GRID1: variants seen among roughly 807,000 people sequenced by gnomAD.
GRID1 encodes glutamate ionotropic receptor delta type subunit 1, also known as glutamate receptor ionotropic, delta-1.
GRID1 carries 28 observed loss-of-function variants against 98.0 expected under a neutral mutation model. The ratio of observed to expected loss-of-function variants is 0.29; its 90% confidence interval spans 0.21 to 0.39. GRID1 has a LOEUF of 0.39. Ranked by LOEUF, GRID1 falls within the 10% of genes least tolerant of loss-of-function variation. GRID1 has a pLI of 1.00. For missense variants in GRID1, 1,111 were observed against 1,340.5 expected, an observed-to-expected ratio of 0.83 and a Z score of 2.67; for synonymous variants, 553 against 538.5, an observed-to-expected ratio of 1.03 and a Z score of -0.37.
intron 4 of GRID1, among the ~76,000 whole-genome samples, chr10:86,010,814 C>CA (rs58304694): frequency 0.49 from 56,232 of 114,258 alleles, 12,014 homozygotes; most frequent in South Asian, 0.57. Flanking sequence ...ACTATGTCTC[C>CA]AAAAAAAAAA....
At chr10:86,202,288 C>T (rs780075113) in intron 3 of GRID1, among the ~76,000 whole-genome samples, 1 of 152,230 alleles carries the variant, frequency 6.6e-6, no homozygotes, top group Non-Finnish European at 1.5e-5. Context: ...AGCAAAATAC[C>T]TGGCATGCGG....
At chr10:85,663,129 C>A (rs1011918949) in intron 12 of GRID1, among the ~76,000 whole-genome samples, 2 of 152,068 alleles carry the variant, frequency 1.3e-5, no homozygotes, top group African/African-American at 4.8e-5. Flanking sequence ...GGAATGCATC[C>A]CCCCAAAGTA....
At chr10:86,279,359 A>G (rs1199828568) in intron 2 of GRID1, among the ~76,000 whole-genome samples, 1 of 152,220 alleles carries the variant, frequency 6.6e-6, no homozygotes, top group Non-Finnish European at 1.5e-5. Context: ...ACCTGCCAAT[A>G]TCCCTCATGA....
chr10:85,625,560 T>C (rs1207564621), intron 13 of GRID1, among the ~76,000 whole-genome samples: 1 of 152,204 alleles, frequency 6.6e-6, no homozygotes, highest in Non-Finnish European at 1.5e-5. Context: ...CATGTGAGCA[T>C]CCATCCCTGG....
chr10:86,342,103 C>G (rs1848318723), intron 2 of GRID1, among the ~76,000 whole-genome samples: 1 of 152,160 alleles, frequency 6.6e-6, no homozygotes, highest in Non-Finnish European at 1.5e-5. Flanking sequence ...TCTGCTTACT[C>G]CCTAGTTTTT....
At chr10:85,685,236 G>A (rs1399232548) in intron 12 of GRID1, among the ~76,000 whole-genome samples, 1 of 152,042 alleles carries the variant, frequency 6.6e-6, no homozygotes, top group Non-Finnish European at 1.5e-5. Flanking sequence ...AAAGTAACTG[G>A]ATTTAAAATC....
chr10:86,190,317 G>A (rs1352114343), intron 3 of GRID1, among the ~76,000 whole-genome samples: 1 of 152,174 alleles, frequency 6.6e-6, no homozygotes, highest in Non-Finnish European at 1.5e-5. Context: ...ACACAGAGTT[G>A]GGAAGAGGTG....
At chr10:86,239,791 A>G (rs755000180) in intron 2 of GRID1, among the ~76,000 whole-genome samples, 17 of 152,200 alleles carry the variant, frequency 1.1e-4, no homozygotes, top group Admixed American at 7.9e-4. Flanking sequence ...CATGCCTCAT[A>G]TACAGCCCAG....
intron 3 of GRID1, among the ~76,000 whole-genome samples, chr10:86,184,802 C>A (rs1338779175): frequency 6.6e-6 from 1 of 152,138 alleles, no homozygotes; most frequent in Non-Finnish European, 1.5e-5. Flanking sequence ...AGTTTAGAAA[C>A]ACTGCAGTAT....
Position 85,601,400 on chromosome 10 carries a change from A to G in GRID1, c.*873T>C, listed in dbSNP as rs1271840694. ...ACCTCGCAACTCCCTGCCCCCATGG[A>G]CCTTCTTCCAGACCAACCCCACCTC... On this transcript the variant is annotated 3_prime_UTR_variant, in exon 16 of 16. Transcript: ENST00000327946. 6.6e-6 allele frequency: 1 copy of G among 152,120 alleles called. No homozygotes were observed. The highest frequency in any genetic ancestry group is 2.4e-5 in the African/African-American group (1 of 41,368). The allele number at this position is 152,120 out of a possible 1,614,324, so 9.4% of individuals were successfully genotyped here.
At chr10:85,872,403 C>A (rs1843287032) in intron 5 of GRID1, among the ~76,000 whole-genome samples, 1 of 152,132 alleles carries the variant, frequency 6.6e-6, no homozygotes, top group South Asian at 2.1e-4. Flanking sequence ...GTAGGAATAA[C>A]AGGCCATTTT....
chr10:85,962,957 T>C (rs1212412406), intron 4 of GRID1, among the ~76,000 whole-genome samples: 7 of 152,150 alleles, frequency 4.6e-5, no homozygotes, highest in Admixed American at 4.6e-4. Flanking sequence ...TGGATAATTT[T>C]AAAGTAATAT....
chr10:86,088,460 C>T lies in GRID1; in HGVS notation c.726+50359G>A, dbSNP rs560725730. Among the ~76,000 whole-genome samples the T allele has an allele frequency of 2.6e-5, 4 of 152,316 alleles. No individual in the cohort carries two copies. In the South Asian group the frequency reaches 6.2e-4, roughly 24 times the overall value. The stretch of plus-strand genomic sequence containing the variant: ...CATGTTTGAAAAATGAGCAACTGTA[C>T]TTTGACTAATTTTGTATCTCTCTGC... On this transcript the variant is annotated intron_variant, in intron 4 of 15. Coordinates refer to ENST00000327946, the MANE Select transcript of GRID1 (RefSeq NM_017551.3).
chr10:86,067,593 A>G (rs550729072), intron 4 of GRID1, among the ~76,000 whole-genome samples: 3 of 152,364 alleles, frequency 2.0e-5, no homozygotes, highest in East Asian at 3.9e-4. Flanking sequence ...GGTGACAGGC[A>G]CTGCGGTTCC....
chr10:85,656,472 C>T (rs1435292291), intron 12 of GRID1, among the ~76,000 whole-genome samples: 1 of 152,218 alleles, frequency 6.6e-6, no homozygotes, highest in Non-Finnish European at 1.5e-5. Flanking sequence ...TAGTGGGACA[C>T]ACCAGCCCTG....
intron 5 of GRID1, among the ~76,000 whole-genome samples, chr10:85,890,436 TA>T (rs1564619540): frequency 6.6e-6 from 1 of 152,166 alleles, no homozygotes; most frequent in Non-Finnish European, 1.5e-5. Flanking sequence ...TGTGTCAATT[TA>T]AAAAAAGAAA....
intron 2 of GRID1, among the ~76,000 whole-genome samples, chr10:86,231,504 C>A (rs1189511706): frequency 6.6e-6 from 1 of 152,204 alleles, no homozygotes; most frequent in Non-Finnish European, 1.5e-5. Context: ...CTGAACCAGG[C>A]AGGCCCATGG....
chr10:85,894,860 T>C (rs1564620664), intron 5 of GRID1, among the ~76,000 whole-genome samples: 2 of 151,494 alleles, frequency 1.3e-5, no homozygotes, highest in South Asian at 2.1e-4. Flanking sequence ...ATACAAAAAT[T>C]AGCCCGGCAT....
At chr10:85,753,561 T>C (rs1020974296) in intron 8 of GRID1, among the ~76,000 whole-genome samples, 1 of 152,242 alleles carries the variant, frequency 6.6e-6, no homozygotes, top group Non-Finnish European at 1.5e-5. Flanking sequence ...ACTCCAGCTG[T>C]GAGATATCCC....
Sources: allele counts gnomAD v4.1 joint callset (sites outside exome capture counted in the v4.1 genomes callset), GRCh38; gene constraint gnomAD v4.1.1; transcripts MANE v1.5; gene names NCBI Gene and HGNC (gene_info 2026-07-23, HGNC 2026-07-21).